The following OR5D13 variants were observed in gnomAD, a reference collection of about 807,000 sequenced individuals.
OR5D13 encodes the protein olfactory receptor family 5 subfamily D member 13, also known as olfactory receptor 5D13.
For missense variants in OR5D13, 470 were observed against 372.1 expected, an observed-to-expected ratio of 1.26 and a Z score of -2.16; for synonymous variants, 192 against 134.3, an observed-to-expected ratio of 1.43 and a Z score of -2.97.
Position 55,773,816 on chromosome 11 carries a change from G to A in OR5D13, c.379G>A (p.Ala127Thr), listed in dbSNP as rs1853284779. 6.2e-7 allele frequency: 1 copy of A among 1,613,852 alleles called. No homozygotes were observed. The highest frequency in any genetic ancestry group is 1.3e-5 in the African/African-American group (1 of 74,874). The stretch of plus-strand genomic sequence containing the variant: ...AGCGATGGCTTATGACCGTTTTGTG[G>A]CAGTTTGTAAACCCTTGCTGTATAC... Reference protein sequence around the residue: ...LAAMAYDRFVAVCKPLLYTTI... With the variant: ...LAAMAYDRFVTVCKPLLYTTI... The change falls in exon 1 of 1, where the codon GCA (alanine) becomes ACA (threonine). Residue 127 changes from alanine to threonine, a missense_variant. By Grantham distance (58) the Ala-to-Thr change is moderately conservative (BLOSUM62 0). Coordinates refer to ENST00000623930, the MANE Select transcript of OR5D13 (RefSeq NM_001001967.1).
Position 55,774,028 on chromosome 11 carries a change from C to T in OR5D13, c.591C>T (p.Ser197=), listed in dbSNP as rs1853289149. Residue 197 remains serine, a synonymous_variant, in exon 1 of 1, where the codon AGC becomes AGT. Coordinates refer to ENST00000623930, the MANE Select transcript of OR5D13 (RefSeq NM_001001967.1). The part of the protein sequence containing the change: ...VSASYSDPYI[S]QRLCFIIAIF... ...CCTCCTACTCAGACCCCTATATCAG[C>T]CAGAGGCTATGCTTTATTATTGCCA... The T allele has an allele frequency of 3.1e-6, 5 of 1,613,096 alleles. No homozygotes were observed. The African/African-American group carries it at 4.0e-5, about 13-fold the overall frequency.
chr11:55,773,766 G>C lies in OR5D13; in HGVS notation c.329G>C (p.Gly110Ala). The C allele has an allele frequency of 6.2e-7, 1 of 1,613,810 alleles. No homozygotes were observed. The highest frequency in any genetic ancestry group is 8.5e-7 in the Non-Finnish European group (1 of 1,179,976). ...CAATTTTGTTTTGCTTGCATTTTTGGAGTGACAGAAACTTTCATGTTAGCA... is the reference window on the plus strand; with the variant it reads ...CAATTTTGTTTTGCTTGCATTTTTGCAGTGACAGAAACTTTCATGTTAGCA... The part of the protein sequence containing the change: ...IMQFCFACIF[G>A]VTETFMLAAM... The change falls in exon 1 of 1, where the codon GGA (glycine) becomes GCA (alanine). Residue 110 changes from glycine (G) to alanine (A), a missense_variant. Transcript: ENST00000623930.
rs1449317282 is a variant in OR5D13 at position 55,773,528 on chromosome 11, C to T, written c.91C>T (p.Leu31=). Residue 31 remains leucine, a synonymous_variant, in exon 1 of 1, where the codon CTG becomes TTG. Coordinates refer to ENST00000623930, the MANE Select transcript of OR5D13 (RefSeq NM_001001967.1). ...EYPEIQVPLF[L]VFLFVYTVTV... ...CCCAGAAATCCAGGTTCCACTCTTT[C>T]TGGTTTTCTTGTTCGTCTACACAGT... 1 of 1,613,354 alleles carries T rather than the reference C, an allele frequency of 6.2e-7. No homozygotes were observed. Among genetic ancestry groups the T allele is most frequent in the East Asian group, 2.2e-5 (1 of 44,872 alleles).
Position 55,773,859 on chromosome 11 carries a change from A to C in OR5D13, c.422A>C (p.Lys141Thr), listed in dbSNP as rs1275361934. The C allele has an allele frequency of 6.2e-7, 1 of 1,613,776 alleles. No individual in the cohort carries two copies. Among genetic ancestry groups the C allele is most frequent in the African/African-American group, 1.3e-5 (1 of 74,782 alleles). Reference sequence around the variant, plus strand: ...CTGTATACCACTATTATGTCTCAGAAGCTCTGTGCTCTTCTGGTGGCTGGG... The same window carrying C: ...CTGTATACCACTATTATGTCTCAGACGCTCTGTGCTCTTCTGGTGGCTGGG... ...PLLYTTIMSQ[K>T]LCALLVAGSY... The change falls in exon 1 of 1, where the codon AAG (lysine) becomes ACG (threonine). Residue 141 changes from lysine (K) to threonine (T), a missense_variant. By Grantham distance (78) the Lys-to-Thr change is moderately conservative (BLOSUM62 -1). Coordinates refer to ENST00000623930, the MANE Select transcript of OR5D13 (RefSeq NM_001001967.1).
At position 55,773,714 on chromosome 11, in the gene OR5D13, A is replaced by G. The variant is rs765150149; in HGVS notation, c.277A>G (p.Thr93Ala). 6.2e-7 allele frequency: 1 copy of G among 1,613,942 alleles called. No individual in the cohort carries two copies. The highest frequency in any genetic ancestry group is 2.2e-5 in the East Asian group (1 of 44,868). ...GGAGAACTTGGTTGTGGAATACAGA[A>G]CCATCTCTTTCTCTGGTTGCATCAT... ...LLENLVVEYRTISFSGCIMQF... is the reference protein window; with the variant it reads ...LLENLVVEYRAISFSGCIMQF... Residue 93 changes from threonine (T) to alanine (A), a missense_variant, in exon 1 of 1, where the codon ACC becomes GCC. Thr to Ala is a moderately conservative substitution (Grantham distance 58, BLOSUM62 0). Transcript: ENST00000623930.
Position 55,774,161 on chromosome 11 carries a change from A to C in OR5D13, c.724A>C (p.Thr242Pro), listed in dbSNP as rs769315589. ...AAGTGGGCGCCAGAAAACTTTCTCC[A>C]CCTGTGCCTCCCACCTGACAGCCAT... Reference protein sequence around the residue: ...SASGRQKTFSTCASHLTAITI... With the variant: ...SASGRQKTFSPCASHLTAITI... Residue 242 changes from threonine to proline, a missense_variant, in exon 1 of 1, where the codon ACC becomes CCC. Physicochemically the swap from Thr to Pro is conservative, Grantham distance 38 (BLOSUM62 -1). Transcript: ENST00000623930. The C allele has an allele frequency of 4.3e-5, 70 of 1,613,476 alleles. No homozygotes were observed. Among genetic ancestry groups the C allele is most frequent in the Non-Finnish European group, 5.8e-5 (69 of 1,179,888 alleles).
rs1423634255 is a variant in OR5D13 at position 55,774,307 on chromosome 11, G to A, written c.870G>A (p.Leu290=). ...YTVAIPMLNP[L]IYSLRNKDIN... is the part of the protein sequence containing the mutation. The stretch of plus-strand genomic sequence containing the variant: ...TGGCGATTCCAATGCTGAACCCATT[G>A]ATCTACAGCCTTAGGAACAAAGATA... Residue 290 remains leucine, a synonymous_variant, in exon 1 of 1, where the codon TTG becomes TTA. Transcript: ENST00000623930. The A allele has an allele frequency of 6.2e-7, 1 of 1,609,558 alleles. No homozygotes were observed. The highest frequency in any genetic ancestry group is 1.7e-4 in the Middle Eastern group (1 of 6,026).
At position 55,773,601 on chromosome 11, in the gene OR5D13, C is replaced by A; in HGVS notation, c.164C>A (p.Ser55Ter). ...ATGATAATAATCATCAGACTCAATTCAAAACTCCATACAATCATGTGCTTT... is the reference window on the plus strand; with the variant it reads ...ATGATAATAATCATCAGACTCAATTAAAAACTCCATACAATCATGTGCTTT... ...LGMIIIIRLN[S>*]KLHTIMCFFL... Residue 55 changes from serine to a stop codon, truncating the protein, a stop_gained, in exon 1 of 1, where the codon TCA (serine) becomes TAA (stop). Transcript: ENST00000623930. LOFTEE classifies it low-confidence loss of function (END_TRUNC). The A allele has an allele frequency of 1.9e-6, 3 of 1,613,230 alleles. No homozygotes were observed. Among genetic ancestry groups the A allele is most frequent in the Non-Finnish European group, 2.5e-6 (3 of 1,179,484 alleles).
In OR5D13 at chr11:55,774,364, C is replaced by T. The variant is rs777373474; in HGVS notation, c.927C>T (p.Thr309=). The T allele has an allele frequency of 1.2e-5, 18 of 1,561,274 alleles. No homozygotes were observed. The highest frequency in any genetic ancestry group is 1.6e-5 in the Non-Finnish European group (18 of 1,155,898). The part of the protein sequence containing the change: ...INNMFEKLVV[T]KLIYH Reference sequence around the variant, plus strand: ...ACATGTTTGAAAAATTAGTTGTCACCAAATTGATTTACCACTGAATATGAT... The same window carrying T: ...ACATGTTTGAAAAATTAGTTGTCACTAAATTGATTTACCACTGAATATGAT... Residue 309 remains threonine, a synonymous_variant, in exon 1 of 1, where the codon ACC becomes ACT. Transcript: ENST00000623930.
rs1227669447 is a variant in OR5D13, at chr11:55,774,216, T to C, written c.779T>C (p.Leu260Pro). 6.2e-7 allele frequency: 1 copy of C among 1,613,912 alleles called. No individual in the cohort carries two copies. The change falls in exon 1 of 1, where the codon CTT becomes CCT. Residue 260 changes from leucine to proline, a missense_variant. By Grantham distance (98) the Leu-to-Pro change is moderately conservative. Coordinates refer to ENST00000623930, the MANE Select transcript of OR5D13 (RefSeq NM_001001967.1). ...ATCTTCCATGGAACTATCCTTTTCC[T>C]TTACTGTGTTCCTAATCCTAAAACT... ...ITIFHGTILFLYCVPNPKTSS... is the reference protein window; with the variant it reads ...ITIFHGTILFPYCVPNPKTSS...
At position 55,774,367 on chromosome 11, in the gene OR5D13, A is replaced by C; in HGVS notation, c.930A>C (p.Lys310Asn). ...NNMFEKLVVT[K>N]LIYH ...TGTTTGAAAAATTAGTTGTCACCAA[A>C]TTGATTTACCACTGAATATGATGTT... The change falls in exon 1 of 1, where the codon AAA becomes AAC. Residue 310 changes from lysine to asparagine, a missense_variant. Transcript: ENST00000623930. 6.4e-7 allele frequency: 1 copy of C among 1,558,888 alleles called. No homozygotes were observed. The highest frequency in any genetic ancestry group is 8.7e-7 in the Non-Finnish European group (1 of 1,154,300).
chr11:55,773,605 A>G lies in OR5D13; in HGVS notation c.168A>G (p.Lys56=), dbSNP rs1274002452. The part of the protein sequence containing the change: ...GMIIIIRLNS[K]LHTIMCFFLS... ...TAATAATCATCAGACTCAATTCAAAACTCCATACAATCATGTGCTTTTTCC... is the reference window on the plus strand; with the variant it reads ...TAATAATCATCAGACTCAATTCAAAGCTCCATACAATCATGTGCTTTTTCC... Residue 56 remains lysine (K), a synonymous_variant, in exon 1 of 1, where the codon AAA becomes AAG. Coordinates refer to ENST00000623930, the MANE Select transcript of OR5D13 (RefSeq NM_001001967.1). 1 of 1,613,224 alleles carries G rather than the reference A, an allele frequency of 6.2e-7. No individual in the cohort carries two copies. Among genetic ancestry groups the G allele is most frequent in the Admixed American group, 1.7e-5 (1 of 59,916 alleles).
Position 55,773,949 on chromosome 11 carries a change from G to A in OR5D13, c.512G>A (p.Cys171Tyr), listed in dbSNP as rs1223768494. 6.2e-7 allele frequency: 1 copy of A among 1,613,424 alleles called. No homozygotes were observed. The highest frequency in any genetic ancestry group is 8.5e-7 in the Non-Finnish European group (1 of 1,179,672). The change falls in exon 1 of 1, where the codon TGT becomes TAT. Residue 171 changes from cysteine (C) to tyrosine (Y), a missense_variant. Transcript: ENST00000623930. The stretch of plus-strand genomic sequence containing the variant: ...TATTTTCTTCTTGACTTATCGTTTT[G>A]TGAATCTACCTTCATAAATAATTTT... The part of the protein sequence containing the change: ...LTYFLLDLSF[C>Y]ESTFINNFIC...
In OR5D13 at chr11:55,774,029, C is replaced by A. The variant is rs74548274; in HGVS notation, c.592C>A (p.Gln198Lys). ...SASYSDPYIS[Q>K]RLCFIIAIFN... is the part of the protein sequence containing the mutation. Reference sequence around the variant, plus strand: ...CTCCTACTCAGACCCCTATATCAGCCAGAGGCTATGCTTTATTATTGCCAT... The same window carrying A: ...CTCCTACTCAGACCCCTATATCAGCAAGAGGCTATGCTTTATTATTGCCAT... Residue 198 changes from glutamine (Q) to lysine (K), a missense_variant, in exon 1 of 1, where the codon CAG becomes AAG. Coordinates refer to ENST00000623930, the MANE Select transcript of OR5D13 (RefSeq NM_001001967.1). The A allele has an allele frequency of 7.4e-6, 12 of 1,613,174 alleles. No individual in the cohort carries two copies. Among genetic ancestry groups the A allele is most frequent in the Non-Finnish European group, 9.3e-6 (11 of 1,179,452 alleles).
In OR5D13 at chr11:55,773,882, G is replaced by A; in HGVS notation, c.445G>A (p.Gly149Arg). Residue 149 changes from glycine to arginine, a missense_variant, in exon 1 of 1, where the codon GGG becomes AGG. By Grantham distance (125) the Gly-to-Arg change is moderately radical (BLOSUM62 -2). Coordinates refer to ENST00000623930, the MANE Select transcript of OR5D13 (RefSeq NM_001001967.1). Reference protein sequence around the residue: ...SQKLCALLVAGSYTWGIVCSL... With the variant: ...SQKLCALLVARSYTWGIVCSL... ...GAAGCTCTGTGCTCTTCTGGTGGCT[G>A]GGTCCTATACATGGGGGATAGTGTG... The A allele has an allele frequency of 6.2e-7, 1 of 1,613,736 alleles. No homozygotes were observed. The highest frequency in any genetic ancestry group is 2.2e-5 in the East Asian group (1 of 44,856).
At position 55,774,092 on chromosome 11, in the gene OR5D13, T is replaced by C; in HGVS notation, c.655T>C (p.Ser219Pro). 1 of 1,613,884 alleles carries C rather than the reference T, an allele frequency of 6.2e-7. No homozygotes were observed. The highest frequency in any genetic ancestry group is 8.5e-7 in the Non-Finnish European group (1 of 1,179,998). ...GAGCAGCCTAATTATCATTCTGACA[T>C]CATATATGCTTATTTTCACTACCAT... ...EVSSLIIILTSYMLIFTTIMK... is the reference protein window; with the variant it reads ...EVSSLIIILTPYMLIFTTIMK... The change falls in exon 1 of 1, where the codon TCA (serine) becomes CCA (proline). Residue 219 changes from serine to proline, a missense_variant. By Grantham distance (74) the Ser-to-Pro change is moderately conservative (BLOSUM62 -1). Transcript: ENST00000623930.
rs756666022 is a variant in OR5D13, at chr11:55,773,532, T to C, written c.95T>C (p.Val32Ala). The change falls in exon 1 of 1, where the codon GTT (valine) becomes GCT (alanine). Residue 32 changes from valine to alanine, a missense_variant. Coordinates refer to ENST00000623930, the MANE Select transcript of OR5D13 (RefSeq NM_001001967.1). ...YPEIQVPLFL[V>A]FLFVYTVTVV... ...GAAATCCAGGTTCCACTCTTTCTGG[T>C]TTTCTTGTTCGTCTACACAGTCACT... 9 of 1,612,948 alleles carry C rather than the reference T, an allele frequency of 5.6e-6. No homozygotes were observed. The highest frequency in any genetic ancestry group is 7.6e-6 in the Non-Finnish European group (9 of 1,179,398).
rs774080649 is a variant in OR5D13, at chr11:55,773,586, TC to T, written c.150del (p.Ile51SerfsTer20). 6.2e-7 allele frequency: 1 copy of T among 1,613,268 alleles called. No individual in the cohort carries two copies. ...GTGGGGAACTTGGGCATGATAATAATCATCAGACTCAATTCAAAACTCCATA... is the reference window on the plus strand; with the variant it reads ...GTGGGGAACTTGGGCATGATAATAATATCAGACTCAATTCAAAACTCCATA... ...TVVGNLGMII[I>X]IRLNSKLHTI... On this transcript the variant is annotated frameshift_variant, in exon 1 of 1. Transcript: ENST00000623930. LOFTEE classifies it low-confidence loss of function (END_TRUNC).
At position 55,773,698 on chromosome 11, in the gene OR5D13, G is replaced by A; in HGVS notation, c.261G>A (p.Leu87=). Residue 87 remains leucine (L), a synonymous_variant, in exon 1 of 1, where the codon TTG becomes TTA. Coordinates refer to ENST00000623930, the MANE Select transcript of OR5D13 (RefSeq NM_001001967.1). ...TVVTPKLLEN[L]VVEYRTISFS... is the part of the protein sequence containing the mutation. ...TTACACCTAAACTGTTGGAGAACTT[G>A]GTTGTGGAATACAGAACCATCTCTT... 6.2e-7 allele frequency: 1 copy of A among 1,613,836 alleles called. No homozygotes were observed. The highest frequency in any genetic ancestry group is 1.3e-5 in the African/African-American group (1 of 74,884).
Sources: allele counts gnomAD v4.1 joint callset, GRCh38; gene constraint gnomAD v4.1.1; transcripts MANE v1.5; gene names NCBI Gene and HGNC (gene_info 2026-07-23, HGNC 2026-07-21).